SIK2: variants seen among roughly 807,000 people sequenced by gnomAD.
The protein encoded by SIK2 is serine/threonine-protein kinase SIK2.
A neutral mutation model predicts 103.2 loss-of-function variants in SIK2; 29 were observed. The observed-to-expected ratio is 0.28, with a 90% CI of 0.21 to 0.38. SIK2 has a LOEUF of 0.38. Among genes scored for constraint, SIK2 ranks in the 10% least tolerant of loss-of-function variants. The pLI, the probability that SIK2 is intolerant of heterozygous loss-of-function variation, is 1.00. For synonymous variants in SIK2, 412 were observed against 446.1 expected (o/e 0.92, Z 0.96); for missense variants, 879 against 1,171.0 (o/e 0.75, Z 3.64).
intron 3 of SIK2, among the ~76,000 whole-genome samples, chr11:111,687,172 C>G (rs141569122): frequency 7.7e-4 from 117 of 152,186 alleles, no homozygotes; most frequent in African/African-American, 2.7e-3. Flanking sequence ...TTGCTGCTGA[C>G]TGGTCTTGGG....
chr11:111,704,938 GCAT>G, intron 7 of SIK2, 46 bp from the exon 8 acceptor site: 1 of 1,530,734 alleles, frequency 6.5e-7, no homozygotes, highest in Non-Finnish European at 8.7e-7. Context: ...GTAGATCATT[GCAT>G]TGGTCTTTAC....
intron 3 of SIK2, among the ~76,000 whole-genome samples, chr11:111,639,820 A>C (rs1410684589): frequency 6.6e-6 from 1 of 152,190 alleles, no homozygotes; most frequent in Non-Finnish European, 1.5e-5. Flanking sequence ...GTGAAAGTAG[A>C]GGAGTGTGTA....
At chr11:111,714,661 C>T (rs921989012) in intron 9 of SIK2, among the ~76,000 whole-genome samples, 1 of 152,134 alleles carries the variant, frequency 6.6e-6, no homozygotes, top group Non-Finnish European at 1.5e-5. Context: ...AGGGTGAGAG[C>T]CATTTTCAGA....
Position 111,720,971 on chromosome 11 carries a change from AGTT to A in SIK2, c.1859_1861del (p.Leu620del), listed in dbSNP as rs1352379624. 8 of 1,614,216 alleles carry A rather than the reference AGTT, an allele frequency of 5.0e-6. No individual in the cohort carries two copies. Among genetic ancestry groups the A allele is most frequent in the South Asian group, 1.1e-5 (1 of 91,088 alleles). On this transcript the variant is annotated inframe_deletion, in exon 12 of 15. Transcript: ENST00000304987. Reference sequence around the variant, plus strand: ...GGAATTCTAGAGTTGAACAAAGTGCAGTTGTTGTATGAACAAATAGGACCGGAG... The same window carrying A: ...GGAATTCTAGAGTTGAACAAAGTGCAGTTGTATGAACAAATAGGACCGGAG...
In SIK2 at chr11:111,724,044, C is replaced by T; in HGVS notation, c.2696C>T (p.Ala899Val). The change falls in exon 15 of 15, where the codon GCC (alanine) becomes GTC (valine). Residue 899 changes from alanine to valine, a missense_variant. Coordinates refer to ENST00000304987, the MANE Select transcript of SIK2 (RefSeq NM_015191.3). Reference sequence around the variant, plus strand: ...GCCCCCTCCAGCTACGACCCACTAGCCCTCTCTGAGCTACCTGGACTCTTT... The same window carrying T: ...GCCCCCTCCAGCTACGACCCACTAGTCCTCTCTGAGCTACCTGGACTCTTT... The part of the protein sequence containing the change: ...QEAPSSYDPL[A>V]LSELPGLFDC... 3 of 1,614,168 alleles carry T rather than the reference C, an allele frequency of 1.9e-6. No individual in the cohort carries two copies. Among genetic ancestry groups the T allele is most frequent in the Non-Finnish European group, 1.7e-6 (2 of 1,180,038 alleles).
chr11:111,694,776 G>A (rs1233455771), intron 4 of SIK2, among the ~76,000 whole-genome samples: 2 of 152,158 alleles, frequency 1.3e-5, no homozygotes, highest in African/African-American at 4.8e-5. Flanking sequence ...TATGGAAGAT[G>A]GCTCAAAGGG....
intron 3 of SIK2, among the ~76,000 whole-genome samples, chr11:111,650,671 C>A (rs1322623546): frequency 2.6e-5 from 4 of 152,032 alleles, no homozygotes; most frequent in Non-Finnish European, 5.9e-5. Flanking sequence ...ATTCAAACAG[C>A]AAAATATAAA....
chr11:111,621,546 A>G (rs865790814), intron 3 of SIK2, among the ~76,000 whole-genome samples: 6 of 152,306 alleles, frequency 3.9e-5, no homozygotes, highest in South Asian at 4.1e-4. Context: ...GCTATTATAC[A>G]TAAGTTACTA....
At chr11:111,708,383 A>G (rs963666057) in intron 8 of SIK2, among the ~76,000 whole-genome samples, 3 of 152,180 alleles carry the variant, frequency 2.0e-5, no homozygotes, top group Admixed American at 2.0e-4. Flanking sequence ...TTCTGTCCCA[A>G]AAAGTAAAAC....
chr11:111,608,766 A>G (rs1431969073), intron 1 of SIK2, among the ~76,000 whole-genome samples: 1 of 152,150 alleles, frequency 6.6e-6, no homozygotes, highest in East Asian at 1.9e-4. Context: ...ATCCCTCTAC[A>G]TACATCTTTG....
At chr11:111,640,840 T>G (rs1198984801) in intron 3 of SIK2, among the ~76,000 whole-genome samples, 1 of 144,684 alleles carries the variant, frequency 6.9e-6, no homozygotes, top group Non-Finnish European at 1.5e-5. Context: ...GTTCACGCCA[T>G]TCTTCTGCCT....
chr11:111,635,425 G>T (rs1337153748), intron 3 of SIK2, among the ~76,000 whole-genome samples: 2 of 127,776 alleles, frequency 1.6e-5, no homozygotes, highest in Non-Finnish European at 3.3e-5. Context: ...GGGAGGGAGG[G>T]GGGAGGAAGG....
intron 3 of SIK2, among the ~76,000 whole-genome samples, chr11:111,686,979 GA>G (rs1201356788): frequency 6.6e-6 from 1 of 152,174 alleles, no homozygotes; most frequent in African/African-American, 2.4e-5. Context: ...ATAATTGCAT[GA>G]AAACAGTGTT....
intron 6 of SIK2, among the ~76,000 whole-genome samples, chr11:111,702,802 G>A (rs979198934): frequency 6.6e-6 from 1 of 152,174 alleles, no homozygotes. Flanking sequence ...CAGCCCGTTG[G>A]AGAGCTCTTT....
At chr11:111,649,470 A>T (rs1942300744) in intron 3 of SIK2, among the ~76,000 whole-genome samples, 1 of 152,082 alleles carries the variant, frequency 6.6e-6, no homozygotes, top group Admixed American at 6.5e-5. Flanking sequence ...TATAAAAGTA[A>T]TACTTTTATA....
rs540433392 is a variant in SIK2, at chr11:111,712,266, G to A, written c.1157G>A (p.Arg386Gln). ...TMHSPNMRLL[R>Q]SALLPQASNV... is the part of the protein sequence containing the mutation. Reference sequence around the variant, plus strand: ...CATTCACCGAACATGAGGCTGCTGCGATCTGCCCTCCTCCCCCAGGCATCC... The same window carrying A: ...CATTCACCGAACATGAGGCTGCTGCAATCTGCCCTCCTCCCCCAGGCATCC... The change falls in exon 9 of 15, where the codon CGA (arginine) becomes CAA (glutamine). Residue 386 changes from arginine to glutamine, a missense_variant. Arg to Gln is a conservative substitution (Grantham distance 43). Coordinates refer to ENST00000304987, the MANE Select transcript of SIK2 (RefSeq NM_015191.3). The A allele has an allele frequency of 8.7e-6, 14 of 1,614,166 alleles. No homozygotes were observed. The highest frequency in any genetic ancestry group is 5.0e-5 in the Admixed American group (3 of 60,014).
At chr11:111,704,692 C>G (rs1048968121) in intron 7 of SIK2, among the ~76,000 whole-genome samples, 4 of 152,074 alleles carry the variant, frequency 2.6e-5, no homozygotes, top group Non-Finnish European at 5.9e-5. Context: ...TGGGGAATGT[C>G]TACATGAGAC....
rs1231290619 is a variant in SIK2, at chr11:111,703,417, C to A, written c.942C>A (p.Thr314=). The change falls in exon 7 of 15, where the codon ACC becomes ACA. Residue 314 remains threonine, a synonymous_variant. Transcript: ENST00000304987. ...MHSLGIDQQK[T]IESLQNKSYN... The stretch of plus-strand genomic sequence containing the variant: ...GCCTTGGAATAGATCAGCAGAAAAC[C>A]ATTGAGGTAAAGTGATCAGAGATTT... The A allele has an allele frequency of 1.2e-6, 2 of 1,613,424 alleles. No individual in the cohort carries two copies. The highest frequency in any genetic ancestry group is 2.7e-5 in the African/African-American group (2 of 74,890).
At chr11:111,664,834 CTT>C (rs1942514191) in intron 3 of SIK2, among the ~76,000 whole-genome samples, 1 of 152,096 alleles carries the variant, frequency 6.6e-6, no homozygotes, top group African/African-American at 2.4e-5. Context: ...CAGCGGAACT[CTT>C]AGTACTGCTG....
Sources: gnomAD v4.1 joint callset for allele counts (sites outside exome capture counted in the v4.1 genomes callset) on GRCh38, gnomAD v4.1.1 for gene constraint, MANE v1.5 for transcripts, NCBI Gene and HGNC (gene_info 2026-07-23, HGNC 2026-07-21) for gene names.